The following HEMK1 variants were observed in gnomAD, a reference collection of about 807,000 sequenced individuals.
HEMK1 encodes the protein MTRF1L release factor glutamine methyltransferase.
HEMK1 carries 36 observed loss-of-function variants against 47.9 expected under a neutral mutation model. The ratio of observed to expected loss-of-function variants is 0.75; its 90% CI spans 0.58 to 0.99. The LOEUF is 0.99. HEMK1 is among the 50% of genes least tolerant of loss of function. The pLI, the probability that HEMK1 is intolerant of heterozygous loss-of-function variation, is 0.00. For synonymous variants in HEMK1, 153 were observed against 165.4 expected, an observed-to-expected ratio of 0.93 and a Z score of 0.57; for missense variants, 383 against 434.5, an observed-to-expected ratio of 0.88 and a Z score of 1.05.
rs2031019228 is a variant in HEMK1 at position 50,583,228 on chromosome 3, G to A, written c.*2811G>A. ...GTCTCACAGTTGGATGCTTTTCCCAGTTGTCAGTGGGTTTCTCCATGGGTC... is the reference window on the plus strand; with the variant it reads ...GTCTCACAGTTGGATGCTTTTCCCAATTGTCAGTGGGTTTCTCCATGGGTC... On this transcript the variant is annotated 3_prime_UTR_variant, in exon 11 of 11. Transcript: ENST00000232854. The A allele has an allele frequency of 6.6e-6, 1 of 152,250 alleles. No individual in the cohort carries two copies. Among genetic ancestry groups the A allele is most frequent in the African/African-American group, 2.4e-5 (1 of 41,448 alleles). The allele number at this position is 152,250 out of a possible 1,614,324, so 9.4% of individuals were successfully genotyped here. A position where few individuals can be genotyped will look rare whatever the true frequency, so the allele number is the denominator to read the frequency against.
chr3:50,576,935 C>A, intron 4 of HEMK1, 117 bp from the exon 5 acceptor site: 2 of 1,263,840 alleles, frequency 1.6e-6, no homozygotes, highest in Non-Finnish European at 2.2e-6. Flanking sequence ...GAAGGTCAGT[C>A]TGGCTTTGGC....
Position 50,585,392 on chromosome 3 carries a change from C to G in HEMK1, c.*4975C>G, listed in dbSNP as rs2031270016. On this transcript the variant is annotated 3_prime_UTR_variant, in exon 11 of 11. Coordinates refer to ENST00000232854, the MANE Select transcript of HEMK1 (RefSeq NM_016173.5). Reference sequence around the variant, plus strand: ...GCCTGAGCAGAGCTGTGTCACCATTCTGTTCCTATGGTGGAGTGGGGCTAT... The same window carrying G: ...GCCTGAGCAGAGCTGTGTCACCATTGTGTTCCTATGGTGGAGTGGGGCTAT... 1 of 152,372 alleles carries G rather than the reference C, an allele frequency of 6.6e-6. No individual in the cohort carries two copies. The highest frequency in any genetic ancestry group is 1.5e-5 in the Non-Finnish European group (1 of 68,132). The allele number at this position is 152,372 out of a possible 1,614,324, so 9.4% of individuals were successfully genotyped here.
intron 4 of HEMK1, among the ~76,000 whole-genome samples, chr3:50,573,171 T>C (rs1280786878): frequency 6.6e-6 from 1 of 151,778 alleles, no homozygotes; most frequent in Admixed American, 6.6e-5. Context: ...GCAGGGACAG[T>C]AGGGAATCTG....
chr3:50,579,632 C>G (rs1260746156), intron 8 of HEMK1, among the ~76,000 whole-genome samples: 1 of 152,168 alleles, frequency 6.6e-6, no homozygotes, highest in Non-Finnish European at 1.5e-5. Flanking sequence ...AGCAAGCATG[C>G]CTGGCGCTGC....
intron 3 of HEMK1, 25 bp from the exon 4 acceptor site, chr3:50,572,090 G>C (rs2107391829): frequency 6.2e-7 from 1 of 1,611,848 alleles, no homozygotes; most frequent in Admixed American, 1.7e-5. Context: ...TGTCCCTGAT[G>C]ACCACCCAGC....
At position 50,571,795 on chromosome 3, in the gene HEMK1, T is replaced by C. The variant is rs752776334; in HGVS notation, c.314T>C (p.Leu105Ser). 2.5e-6 allele frequency: 4 copies of C among 1,613,990 alleles called. No individual in the cohort carries two copies. In the Admixed American group the frequency reaches 6.7e-5, roughly 27 times the overall value. ...ATCCGGGAGCTGAGTAGCCGTCGAT[T>C]GCAGAGGTGAGCACCCATGGATCAG... is the stretch of plus-strand genomic sequence containing the variant. ...QCIRELSSRRLQRMPVQYILG... is the reference protein window; with the variant it reads ...QCIRELSSRRSQRMPVQYILG... The change falls in exon 3 of 11, where the codon TTG becomes TCG. Residue 105 changes from leucine to serine, a missense_variant. Transcript: ENST00000232854.
rs774643876 is a variant in HEMK1, at chr3:50,580,171, C to G, written c.922C>G (p.Gln308Glu). Residue 308 changes from glutamine (Q) to glutamate (E), a missense_variant, in exon 10 of 11, where the codon CAG becomes GAG. Physicochemically the swap from Gln to Glu is conservative, Grantham distance 29 (BLOSUM62 2). Transcript: ENST00000232854. Reference protein sequence around the residue: ...RHPELVSSWLQSRPDLYLNLV... With the variant: ...RHPELVSSWLESRPDLYLNLV... ...CCCGGAGCTTGTCAGCAGCTGGCTT[C>G]AGAGCCGGCCTGACCTGTACCTTAA... 2 of 1,614,196 alleles carry G rather than the reference C, an allele frequency of 1.2e-6. No homozygotes were observed.
At position 50,578,838 on chromosome 3, in the gene HEMK1, C is replaced by T; in HGVS notation, c.682C>T (p.Leu228=). 6.2e-7 allele frequency: 1 copy of T among 1,612,912 alleles called. No homozygotes were observed. The highest frequency in any genetic ancestry group is 8.5e-7 in the Non-Finnish European group (1 of 1,179,402). The part of the protein sequence containing the change: ...DMTSERSWTH[L]PWGPMDLIVS... ...GACGACAGAAAGGAGCTGGACACAC[C>T]TGCCCTGGGGCCCCATGGACCTGAT... Residue 228 remains leucine (L), a synonymous_variant, in exon 8 of 11, where the codon CTG becomes TTG. Coordinates refer to ENST00000232854, the MANE Select transcript of HEMK1 (RefSeq NM_016173.5).
Position 50,571,061 on chromosome 3 carries a change from G to C in HEMK1, c.-44G>C. The C allele has an allele frequency of 6.8e-7, 1 of 1,464,800 alleles. No individual in the cohort carries two copies. The highest frequency in any genetic ancestry group is 9.3e-7 in the Non-Finnish European group (1 of 1,077,764). The allele number at this position is 1,464,800 out of a possible 1,614,324, so 90.7% of individuals were successfully genotyped here. ...CCTCAGCAGCTGACATCATAAAGCA[G>C]ACTTGGGAACCTGGAAGCACTCTGG... On this transcript the variant is annotated 5_prime_UTR_variant, in exon 2 of 11. Coordinates refer to ENST00000232854, the MANE Select transcript of HEMK1 (RefSeq NM_016173.5).
chr3:50,584,773 A>C lies in HEMK1; in HGVS notation c.*4356A>C, dbSNP rs1435985670. ...ACATGTGTGAAAACACATGTGTGAT[A>C]ATTTGTTACAGCAGCCACGGGAAAC... On this transcript the variant is annotated 3_prime_UTR_variant, in exon 11 of 11. Transcript: ENST00000232854. 2.9e-4 allele frequency: 44 copies of C among 152,242 alleles called. No individual in the cohort carries two copies. Among genetic ancestry groups the C allele is most frequent in the Admixed American group, 2.8e-3 (43 of 15,288 alleles). 9.4% of individuals were successfully genotyped at this position (152,242 alleles called of 1,614,324 possible).
intron 7 of HEMK1, 47 bp downstream of exon 7, chr3:50,577,922 T>TG: frequency 3.2e-6 from 5 of 1,570,060 alleles, no homozygotes; most frequent in Non-Finnish European, 3.5e-6. Context: ...TAGATGCAGG[T>TG]GCTGCTGGGT....
At position 50,594,633 on chromosome 3, in the gene HEMK1, C is replaced by G. The variant is rs1289905319; in HGVS notation, c.*14216C>G. 1 of 152,282 alleles carries G rather than the reference C, an allele frequency of 6.6e-6. No individual in the cohort carries two copies. Among genetic ancestry groups the G allele is most frequent in the Non-Finnish European group, 1.5e-5 (1 of 68,102 alleles). The allele number at this position is 152,282 out of a possible 1,614,324, so 9.4% of individuals were successfully genotyped here. The stretch of plus-strand genomic sequence containing the variant: ...TGCAGAGGCCAGGTGGGTAAGTAAC[C>G]AAAAGTGCCTGAGAGCTAATCCCCT... On this transcript the variant is annotated 3_prime_UTR_variant, in exon 11 of 11. Transcript: ENST00000232854.
chr3:50,579,696 G>A (rs1044320740), intron 8 of HEMK1, 148 bp from the exon 9 acceptor site: 15 of 605,894 alleles, frequency 2.5e-5, no homozygotes, highest in Admixed American at 1.2e-4. Flanking sequence ...ACCCATTTGG[G>A]GCCCTCCTTC....
At chr3:50,575,554 A>G (rs1701492040) in intron 4 of HEMK1, among the ~76,000 whole-genome samples, 1 of 152,102 alleles carries the variant, frequency 6.6e-6, no homozygotes. Flanking sequence ...CTGGTGGGAG[A>G]GGCACACCCC....
chr3:50,570,910 C>A, intron 1 of HEMK1, 21 bp from the exon 2 acceptor site: 1 of 485,202 alleles, frequency 2.1e-6, no homozygotes, highest in South Asian at 3.4e-5. Context: ...CACCTGCTTT[C>A]CTGGTTCCTC....
chr3:50,577,537 A>G lies in HEMK1; in HGVS notation c.578A>G (p.Glu193Gly), dbSNP rs781634911. ...QSRVIAVDKR[E>G]AAISLTHENA... is the part of the protein sequence containing the mutation. Reference sequence around the variant, plus strand: ...CGAGTCATTGCTGTGGATAAGCGGGAAGCTGCTATCTCTCTGACCCATGAG... The same window carrying G: ...CGAGTCATTGCTGTGGATAAGCGGGGAGCTGCTATCTCTCTGACCCATGAG... Residue 193 changes from glutamate to glycine, a missense_variant, in exon 6 of 11, where the codon GAA becomes GGA. Transcript: ENST00000232854. 1.9e-6 allele frequency: 3 copies of G among 1,614,086 alleles called. No individual in the cohort carries two copies. The South Asian group carries it at 3.3e-5, about 18-fold the overall frequency.
At position 50,580,856 on chromosome 3, in the gene HEMK1, CCAT is replaced by C; in HGVS notation, c.*440_*442del. 4 of 218,318 alleles carry C rather than the reference CCAT, an allele frequency of 1.8e-5. No individual in the cohort carries two copies. The highest frequency in any genetic ancestry group is 5.3e-5 in the Admixed American group (1 of 18,832). 13.5% of individuals were successfully genotyped at this position (218,318 alleles called of 1,614,324 possible). Reference sequence around the variant, plus strand: ...GAGTCCTCACTCCTGGCCTTGGATACCATGGGTCCTGGCATAGAGCAGCTCACT... The same window carrying C: ...GAGTCCTCACTCCTGGCCTTGGATACGGGTCCTGGCATAGAGCAGCTCACT... On this transcript the variant is annotated 3_prime_UTR_variant, in exon 11 of 11. Coordinates refer to ENST00000232854, the MANE Select transcript of HEMK1 (RefSeq NM_016173.5).
At chr3:50,575,333 G>A (rs1295225808) in intron 4 of HEMK1, among the ~76,000 whole-genome samples, 1 of 152,034 alleles carries the variant, frequency 6.6e-6, no homozygotes. Context: ...TGAGACAGGC[G>A]AATCGCTTGA....
chr3:50,580,247 T>C lies in HEMK1; in HGVS notation c.980+18T>C, dbSNP rs2030591279. On this transcript the variant is annotated intron_variant, in intron 10 of 10. Transcript: ENST00000232854. The stretch of plus-strand genomic sequence containing the variant: ...TGTGGGAGGTAAGATCCTAGCCCCC[T>C]TTAGCCCTGTAGCATGCTGGTCTTT... 1 of 1,609,580 alleles carries C rather than the reference T, an allele frequency of 6.2e-7. No individual in the cohort carries two copies. The highest frequency in any genetic ancestry group is 1.3e-5 in the African/African-American group (1 of 74,800).
Sources: gnomAD v4.1 joint callset for allele counts (sites outside exome capture counted in the v4.1 genomes callset) on GRCh38, gnomAD v4.1.1 for gene constraint, MANE v1.5 for transcripts, NCBI Gene and HGNC (gene_info 2026-07-23, HGNC 2026-07-21) for gene names.